The following DCST2 variants were observed in gnomAD, a reference collection of about 807,000 sequenced individuals.
The protein encoded by DCST2 is DC-STAMP domain containing 2.
In DCST2, 64 loss-of-function variants were observed where a neutral mutation model predicts 81.8. That is an observed-to-expected ratio of 0.78 (90% confidence interval 0.64 to 0.96). DCST2 has a LOEUF of 0.96. Among genes scored for constraint, DCST2 ranks in the 40% least tolerant of loss-of-function variants. The pLI is 0.00. For synonymous variants in DCST2, 354 were observed against 402.6 expected (o/e 0.88, Z 1.44); for missense variants, 945 against 1,001.4 (o/e 0.94, Z 0.76).
rs1368466996 is a variant in DCST2 at position 155,032,788 on chromosome 1, G to A, written c.440-20C>T. ...GGGCACCTGATGGGTGAGGGACAGA[G>A]GCACTTTGGAGTCTTCTCCTCTAGG... On this transcript the variant is annotated intron_variant, in intron 2 of 14. Transcript: ENST00000368424. The A allele has an allele frequency of 1.2e-6, 2 of 1,609,358 alleles. No individual in the cohort carries two copies. The highest frequency in any genetic ancestry group is 2.2e-5 in the East Asian group (1 of 44,858).
At chr1:155,025,116 T>C (rs188724525) in intron 10 of DCST2, among the ~76,000 whole-genome samples, 19 of 139,908 alleles carry the variant, frequency 1.4e-4, no homozygotes, top group African/African-American at 4.8e-4. Flanking sequence ...CATTGCACTC[T>C]AGCCTGGGCA....
intron 8 of DCST2, among the ~76,000 whole-genome samples, chr1:155,027,543 G>GT (rs1659948144): frequency 7.4e-6 from 1 of 135,512 alleles, no homozygotes; most frequent in Admixed American, 7.4e-5. Context: ...TTTTTTAGGA[G>GT]TTTTTTACTT....
chr1:155,018,735 G>A lies in DCST2; in HGVS notation c.2131C>T (p.Gln711Ter), dbSNP rs1186580938. ...GGCTGCTGCCCGTGCTTCCTCTGCT[G>A]AGGCCCCTTCTCCTCATCCAGGTCA... ...SSDLDEEKGP[Q>*]QRKHGQQPLP... is the part of the protein sequence containing the mutation. The change falls in exon 15 of 15, where the codon CAG (glutamine) becomes TAG (stop). Residue 711 changes from glutamine to a stop codon, truncating the protein, a stop_gained. Coordinates refer to ENST00000368424, the MANE Select transcript of DCST2 (RefSeq NM_144622.3). LOFTEE classifies it low-confidence loss of function (END_TRUNC). 6.2e-7 allele frequency: 1 copy of A among 1,613,300 alleles called. No individual in the cohort carries two copies. Among genetic ancestry groups the A allele is most frequent in the African/African-American group, 1.3e-5 (1 of 74,836 alleles).
At chr1:155,029,212 G>A (rs1321448700) in intron 8 of DCST2, 21 bp downstream of exon 8, 2 of 1,610,998 alleles carry the variant, frequency 1.2e-6, no homozygotes, top group African/African-American at 2.7e-5. Flanking sequence ...AGTGGGAGGA[G>A]GCTGTCACGT....
intron 8 of DCST2, among the ~76,000 whole-genome samples, chr1:155,028,228 A>G (rs1323276624): frequency 1.3e-5 from 2 of 152,106 alleles, no homozygotes; most frequent in Non-Finnish European, 2.9e-5. Context: ...CCTGGCCCCA[A>G]CACACATAAT....
In DCST2 at chr1:155,030,777, G is replaced by T. The variant is rs1035450343; in HGVS notation, c.806-132C>A. The T allele has an allele frequency of 2.7e-5, 25 of 924,410 alleles. No homozygotes were observed. The East Asian group carries it at 6.3e-4, about 23-fold the overall frequency. 57.3% of individuals were successfully genotyped at this position (924,410 alleles called of 1,614,324 possible). ...CAGCTGGGAACCCCCCAGTGCTTGG[G>T]TCAAGGTGGACTGAGGAGGGGACAA... is the stretch of plus-strand genomic sequence containing the variant. On this transcript the variant is annotated intron_variant, in intron 5 of 14. Coordinates refer to ENST00000368424, the MANE Select transcript of DCST2 (RefSeq NM_144622.3).
At position 155,033,666 on chromosome 1, in the gene DCST2, C is replaced by G. The variant is rs762360737; in HGVS notation, c.36G>C (p.Leu12Phe). The change falls in exon 1 of 15, where the codon TTG (leucine) becomes TTC (phenylalanine). Residue 12 changes from leucine to phenylalanine, a missense_variant. Transcript: ENST00000368424. ...PKVMKDVVHPLGGEEPSMARA... is the reference protein window; with the variant it reads ...PKVMKDVVHPFGGEEPSMARA... ...TCGCCATGCTAGGCTCCTCTCCCCC[C>G]AAGGGGTGCACAACATCCTTCATGA... 8.1e-6 allele frequency: 13 copies of G among 1,614,046 alleles called. No homozygotes were observed. The highest frequency in any genetic ancestry group is 1.1e-5 in the South Asian group (1 of 91,090).
In DCST2 at chr1:155,023,905, G is replaced by T. The variant is rs1415219973; in HGVS notation, c.1797C>A (p.Cys599Ter). ...CATCCTGGGGCTGCCCACAGCCCAG[G>T]CAGTAGGCCTGATGCAGCCAAAAGT... ...VSHFWLHQAY[C>*]LGCGQPQDEG... Residue 599 changes from cysteine to a stop codon, truncating the protein, a stop_gained, in exon 12 of 15, where the codon TGC becomes TGA. Transcript: ENST00000368424. LOFTEE classifies it high-confidence loss of function. 1 of 1,613,556 alleles carries T rather than the reference G, an allele frequency of 6.2e-7. No individual in the cohort carries two copies. The highest frequency in any genetic ancestry group is 8.5e-7 in the Non-Finnish European group (1 of 1,179,914).
In DCST2 at chr1:155,023,943, G is replaced by C. The variant is rs748387252; in HGVS notation, c.1759C>G (p.Pro587Ala). ...VLASRCPCLG[P>A]FVSHFWLHQA... ...TGCAGCCAAAAGTGGCTGACAAATG[G>C]ACCTAGGCAGGGGCACCTGAGAAAA... The change falls in exon 12 of 15, where the codon CCA (proline) becomes GCA (alanine). Residue 587 changes from proline (P) to alanine (A), a missense_variant. Transcript: ENST00000368424. The C allele has an allele frequency of 1.2e-6, 2 of 1,613,056 alleles. No individual in the cohort carries two copies. Among genetic ancestry groups the C allele is most frequent in the Non-Finnish European group, 1.7e-6 (2 of 1,179,850 alleles).
At chr1:155,031,911 A>G in intron 3 of DCST2, 140 bp from the exon 4 acceptor site, 1 of 878,006 alleles carries the variant, frequency 1.1e-6, no homozygotes. Context: ...AGTGAACACT[A>G]GCCAGCGCCC....
chr1:155,030,013 G>A (rs1218237464), intron 7 of DCST2, 71 bp downstream of exon 7: 1 of 1,595,532 alleles, frequency 6.3e-7, no homozygotes, highest in Non-Finnish European at 8.5e-7. Flanking sequence ...GGGGCTTAGG[G>A]GCAGGGCAGC....
In DCST2 at chr1:155,030,419, G is replaced by A. The variant is rs375134478; in HGVS notation, c.1019+13C>T. 231 of 1,611,534 alleles carry A rather than the reference G, an allele frequency of 1.4e-4. 1 individual carries two copies. Among genetic ancestry groups the A allele is most frequent in the Middle Eastern group, 5.5e-4 (3 of 5,454 alleles). The stretch of plus-strand genomic sequence containing the variant: ...CGGCCCTGCATCCCCCACGCTGCCC[G>A]GCAGCCCCTCACTGGAGGTAGAGAA... On this transcript the variant is annotated intron_variant, in intron 6 of 14. Transcript: ENST00000368424.
Position 155,023,383 on chromosome 1 carries a change from C to T in DCST2, c.1945G>A (p.Gly649Arg), listed in dbSNP as rs1386072224. ...SVCASPLSYQ[G>R]DLDLELDSSD... is the part of the protein sequence containing the mutation. ...ACTCACAGCTCCAGGTCCAGGTCCCCCTGGTAGGAGAGGGGAGATGCACAC... is the reference window on the plus strand; with the variant it reads ...ACTCACAGCTCCAGGTCCAGGTCCCTCTGGTAGGAGAGGGGAGATGCACAC... The change falls in exon 13 of 15, where the codon GGG (glycine) becomes AGG (arginine). Residue 649 changes from glycine to arginine, a missense_variant. By Grantham distance (125) the Gly-to-Arg change is moderately radical (BLOSUM62 -2). Coordinates refer to ENST00000368424, the MANE Select transcript of DCST2 (RefSeq NM_144622.3). 5.0e-6 allele frequency: 8 copies of T among 1,608,584 alleles called. No individual in the cohort carries two copies. Among genetic ancestry groups the T allele is most frequent in the Non-Finnish European group, 6.8e-6 (8 of 1,177,414 alleles).
Position 155,033,721 on chromosome 1 carries a change from C to CT in DCST2, c.-21dup. ...GGGCATGGCTGCTGAGACCAAATGT[C>CT]TGCCTGTCTCCAGGAGATGCCCGCT... On this transcript the variant is annotated 5_prime_UTR_variant, in exon 1 of 15. Transcript: ENST00000368424. 1 of 1,606,248 alleles carries CT rather than the reference C, an allele frequency of 6.2e-7. No homozygotes were observed.
intron 14 of DCST2, among the ~76,000 whole-genome samples, chr1:155,020,242 T>A (rs190104776): frequency 1.3e-5 from 2 of 152,368 alleles, no homozygotes; most frequent in East Asian, 3.9e-4. Context: ...TCTGTGAAGC[T>A]AACTCTCTCT....
chr1:155,030,872 T>C (rs1223095044), intron 5 of DCST2: 2 of 608,826 alleles, frequency 3.3e-6, no homozygotes, highest in Admixed American at 3.0e-5. Context: ...ATGCAACAGA[T>C]GCCCCTAAGG....
chr1:155,031,528 C>CCCCCCCAA, intron 4 of DCST2, 46 bp downstream of exon 4: 1 of 1,275,130 alleles, frequency 7.8e-7, no homozygotes, highest in Non-Finnish European at 1.1e-6. Flanking sequence ...CACCCCACCC[C>CCCCCCCAA]ACCCCACATC....
intron 4 of DCST2, 62 bp downstream of exon 4, chr1:155,031,512 C>CCT: frequency 2.2e-6 from 2 of 909,288 alleles, no homozygotes; most frequent in South Asian, 1.3e-5. Context: ...CTGACCCCCA[C>CCT]ATTCCCACCC....
At chr1:155,031,143 A>T (rs772164734) in intron 5 of DCST2, 26 bp downstream of exon 5, 1 of 1,582,674 alleles carries the variant, frequency 6.3e-7, no homozygotes, top group South Asian at 1.2e-5. Context: ...AGGGAGCACC[A>T]TATGTGGCAG....
Sources: allele counts gnomAD v4.1 joint callset (sites outside exome capture counted in the v4.1 genomes callset), GRCh38; gene constraint gnomAD v4.1.1; transcripts MANE v1.5; gene names NCBI Gene and HGNC (gene_info 2026-07-23, HGNC 2026-07-21).